Variants in TMEM87A observed in about 807,000 individuals in gnomAD.
TMEM87A encodes transmembrane protein 87A.
A neutral mutation model predicts 90.0 loss-of-function variants in TMEM87A; 50 were observed. That is an observed-to-expected ratio of 0.56 (90% CI 0.44 to 0.70). The LOEUF (loss-of-function observed/expected upper bound fraction) is 0.70. TMEM87A is among the 30% of genes least tolerant of loss of function. TMEM87A has a pLI of 0.00. For missense variants in TMEM87A, 577 were observed against 660.5 expected (o/e 0.87, Z 1.39); for synonymous variants, 226 against 226.7 (o/e 1.00, Z 0.03).
intron 1 of TMEM87A, 73 bp from the exon 2 acceptor site, chr15:42,272,196 C>T (rs2051547337): frequency 8.9e-7 from 1 of 1,118,994 alleles, no homozygotes; most frequent in Non-Finnish European, 1.3e-6. Flanking sequence ...CTATCTAAGA[C>T]TGCTAGAAAT....
At chr15:42,260,897 T>C in intron 6 of TMEM87A, 61 bp downstream of exon 6, 3 of 1,531,932 alleles carry the variant, frequency 2.0e-6, no homozygotes, top group South Asian at 2.4e-5. Context: ...AATTCAGAAA[T>C]ACACAAATTT....
At chr15:42,253,279 T>C (rs942398906) in intron 6 of TMEM87A, among the ~76,000 whole-genome samples, 24 of 152,208 alleles carry the variant, frequency 1.6e-4, no homozygotes, top group African/African-American at 5.8e-4. Context: ...CTTGAGAATA[T>C]ATATGGCTTT....
chr15:42,248,390 G>C (rs906923722), intron 6 of TMEM87A, among the ~76,000 whole-genome samples: 7 of 152,112 alleles, frequency 4.6e-5, no homozygotes, highest in Non-Finnish European at 1.0e-4. Context: ...TCCAGTTTTT[G>C]CCCATTCAGT....
At chr15:42,245,764 T>C (rs1450039040) in intron 6 of TMEM87A, among the ~76,000 whole-genome samples, 2 of 152,006 alleles carry the variant, frequency 1.3e-5, no homozygotes, top group Non-Finnish European at 2.9e-5. Flanking sequence ...ACTCCTGACC[T>C]CAGGTGATCC....
chr15:42,251,315 A>G (rs1310733457), intron 6 of TMEM87A, among the ~76,000 whole-genome samples: 1 of 152,174 alleles, frequency 6.6e-6, no homozygotes, highest in African/African-American at 2.4e-5. Flanking sequence ...TTGGAGGAGA[A>G]GAGATGCTGT....
chr15:42,264,243 C>CA (rs1291502806), intron 3 of TMEM87A, 40 bp from the exon 4 acceptor site: 3 of 1,411,850 alleles, frequency 2.1e-6, no homozygotes, highest in Non-Finnish European at 2.0e-6. Flanking sequence ...ACTCACCTTC[C>CA]AAAAAATAAG....
At position 42,273,272 on chromosome 15, in the gene TMEM87A, G is replaced by A. The variant is rs2051597906; in HGVS notation, c.127C>T (p.His43Tyr). The change falls in exon 1 of 20, where the codon CAC becomes TAC. Residue 43 changes from histidine to tyrosine, a missense_variant. Transcript: ENST00000389834. Reference sequence around the variant, plus strand: ...ATACTCACCGACGGTATCGGAATGTGCCATTTGGACCGGTCGGCAGCAGCT... The same window carrying A: ...ATACTCACCGACGGTATCGGAATGTACCATTTGGACCGGTCGGCAGCAGCT... ...TVAAADRSKW[H>Y]IPIPSGKNYF... 3 of 1,614,048 alleles carry A rather than the reference G, an allele frequency of 1.9e-6. No homozygotes were observed. Among genetic ancestry groups the A allele is most frequent in the East Asian group, 2.2e-5 (1 of 44,894 alleles).
At chr15:42,249,420 G>A (rs1440266533) in intron 6 of TMEM87A, among the ~76,000 whole-genome samples, 6 of 152,154 alleles carry the variant, frequency 3.9e-5, no homozygotes, top group Admixed American at 3.9e-4. Flanking sequence ...TGGGCATTCA[G>A]TGCTATAAAT....
At chr15:42,246,621 A>T (rs992617325) in intron 6 of TMEM87A, among the ~76,000 whole-genome samples, 8 of 152,112 alleles carry the variant, frequency 5.3e-5, no homozygotes, top group African/African-American at 1.9e-4. Context: ...AAGGACATGA[A>T]CTCATCCTTT....
chr15:42,218,723 T>C (rs1469333156), intron 17 of TMEM87A, among the ~76,000 whole-genome samples: 1 of 152,226 alleles, frequency 6.6e-6, no homozygotes, highest in African/African-American at 2.4e-5. Context: ...TTCTTCACGC[T>C]GTTGCGAATG....
intron 7 of TMEM87A, among the ~76,000 whole-genome samples, chr15:42,240,308 C>A (rs1418582171): frequency 6.6e-6 from 1 of 152,002 alleles, no homozygotes; most frequent in Non-Finnish European, 1.5e-5. Context: ...TAAATTAACT[C>A]ACACAAAAAA....
chr15:42,266,582 G>C (rs1048230120), intron 3 of TMEM87A, among the ~76,000 whole-genome samples: 2 of 151,464 alleles, frequency 1.3e-5, no homozygotes, highest in African/African-American at 4.9e-5. Context: ...TATTACAAAA[G>C]CAATAGTGGG....
intron 11 of TMEM87A, chr15:42,231,852 T>C: frequency 3.9e-6 from 5 of 1,271,946 alleles, no homozygotes; most frequent in Non-Finnish European, 5.1e-6. Flanking sequence ...ATCCATAAAA[T>C]AACACAGGCG....
chr15:42,240,136 C>T (rs148399526), intron 7 of TMEM87A, among the ~76,000 whole-genome samples: 16 of 152,298 alleles, frequency 1.1e-4, no homozygotes, highest in Admixed American at 2.0e-4. Context: ...ATATGCCTTA[C>T]AGGACTTCCT....
At chr15:42,239,562 G>C (rs2050834064) in intron 8 of TMEM87A, 108 bp downstream of exon 8, 1 of 943,088 alleles carries the variant, frequency 1.1e-6, no homozygotes, top group East Asian at 2.4e-5. Flanking sequence ...AACATTTTCT[G>C]AATTGCACAG....
At chr15:42,268,619 ATGG>A (rs1317756626) in intron 2 of TMEM87A, among the ~76,000 whole-genome samples, 1 of 152,204 alleles carries the variant, frequency 6.6e-6, no homozygotes, top group Non-Finnish European at 1.5e-5. Context: ...GTGAGCCATG[ATGG>A]TACCACTGCA....
intron 6 of TMEM87A, among the ~76,000 whole-genome samples, chr15:42,245,784 G>C (rs2050961655): frequency 6.6e-6 from 1 of 151,808 alleles, no homozygotes; most frequent in Admixed American, 6.6e-5. Flanking sequence ...CACCCACCTT[G>C]GCCTCCCTAA....
At chr15:42,227,547 T>G in intron 14 of TMEM87A, 164 bp downstream of exon 14, 1 of 587,070 alleles carries the variant, frequency 1.7e-6, no homozygotes, top group East Asian at 2.9e-5. Flanking sequence ...AGCACCATGA[T>G]AGTACAGAAT....
At position 42,212,487 on chromosome 15, in the gene TMEM87A, T is replaced by A. The variant is rs117333656; in HGVS notation, c.1627-738A>T. 4.2e-3 allele frequency among the ~76,000 whole-genome samples: 643 copies of A among 152,320 alleles called. 3 individuals are homozygous for A. The highest frequency in any genetic ancestry group is 6.9e-3 in the Non-Finnish European group (468 of 68,024). The stretch of plus-strand genomic sequence containing the variant: ...CCGATGCTCTCTGTTCTCCACTCCA[T>A]CCAAGCCTGGTGCCCAGCTGCCAAC... On this transcript the variant is annotated intron_variant, in intron 19 of 19. Coordinates refer to ENST00000389834, the MANE Select transcript of TMEM87A (RefSeq NM_015497.5).
Sources: gnomAD v4.1 joint callset for allele counts (sites outside exome capture counted in the v4.1 genomes callset) on GRCh38, gnomAD v4.1.1 for gene constraint, MANE v1.5 for transcripts, NCBI Gene and HGNC (gene_info 2026-07-23, HGNC 2026-07-21) for gene names.